Variants in CHL1 observed in about 807,000 individuals in gnomAD.
CHL1 encodes the protein cell adhesion molecule L1 like.
A neutral mutation model predicts 141.9 loss-of-function variants in CHL1; 96 were observed. That is an observed-to-expected ratio of 0.68 (90% CI 0.57 to 0.80). The LOEUF is 0.80. Among genes scored for constraint, CHL1 ranks in the 30% least tolerant of loss-of-function variants. CHL1 has a pLI of 0.00. For synonymous variants in CHL1, 613 were observed against 502.2 expected, an observed-to-expected ratio of 1.22 and a Z score of -2.95; for missense variants, 1,820 against 1,457.2, an observed-to-expected ratio of 1.25 and a Z score of -4.05.
intron 2 of CHL1, among the ~76,000 whole-genome samples, chr3:305,685 T>C (rs1291566461): frequency 6.6e-6 from 1 of 151,070 alleles, no homozygotes; most frequent in South Asian, 2.1e-4. Context: ...CTATACATTA[T>C]ATATAATATA....
chr3:361,585 A>G, intron 12 of CHL1, 114 bp from the exon 13 acceptor site: 2 of 690,100 alleles, frequency 2.9e-6, no homozygotes, highest in Non-Finnish European at 5.2e-6. Context: ...AACAGACACC[A>G]TAATATTCTG....
chr3:285,706 A>G (rs1559200541), intron 2 of CHL1, among the ~76,000 whole-genome samples: 1 of 152,240 alleles, frequency 6.6e-6, no homozygotes, highest in Non-Finnish European at 1.5e-5. Context: ...ACTATGTATA[A>G]TATGCACATT....
intron 1 of CHL1, among the ~76,000 whole-genome samples, chr3:237,395 T>C (rs1407427394): frequency 2.0e-5 from 3 of 152,236 alleles, no homozygotes; most frequent in Non-Finnish European, 4.4e-5. Context: ...CTCTTTTCTT[T>C]ATAAATTACC....
intron 23 of CHL1, among the ~76,000 whole-genome samples, chr3:393,797 CT>C (rs1708441645): frequency 6.6e-6 from 1 of 152,058 alleles, no homozygotes; most frequent in African/African-American, 2.4e-5. Context: ...ATGATTTCAC[CT>C]CCTTCTTTCC....
intron 2 of CHL1, among the ~76,000 whole-genome samples, chr3:294,682 C>T (rs1024504683): frequency 1.8e-5 from 2 of 111,352 alleles, no homozygotes; most frequent in African/African-American, 1.0e-4. Flanking sequence ...AGTAACAGTA[C>T]AGGCATGCCC....
intron 15 of CHL1, among the ~76,000 whole-genome samples, chr3:373,225 G>T (rs1296636639): frequency 6.6e-6 from 1 of 152,234 alleles, no homozygotes; most frequent in East Asian, 1.9e-4. Context: ...CTGCTGGTCT[G>T]CAGAGACCAT....
intron 1 of CHL1, among the ~76,000 whole-genome samples, chr3:236,797 C>T (rs1331241336): frequency 6.9e-6 from 1 of 145,716 alleles, no homozygotes; most frequent in East Asian, 1.9e-4. Context: ...TCCCATGGCC[C>T]CAGCCTCTTA....
chr3:318,112 C>T (rs540313644), intron 2 of CHL1, among the ~76,000 whole-genome samples: 1 of 151,822 alleles, frequency 6.6e-6, no homozygotes, highest in African/African-American at 2.4e-5. Context: ...GTAGTATTTT[C>T]TTTTATGATT....
At chr3:290,599 A>C (rs920894548) in intron 2 of CHL1, among the ~76,000 whole-genome samples, 2 of 152,168 alleles carry the variant, frequency 1.3e-5, no homozygotes, top group East Asian at 3.9e-4. Flanking sequence ...GGATGAAACT[A>C]TGTCTTCATC....
chr3:300,571 T>C (rs2124896988), intron 2 of CHL1, among the ~76,000 whole-genome samples: 1 of 152,300 alleles, frequency 6.6e-6, no homozygotes, highest in South Asian at 2.1e-4. Flanking sequence ...TTTAAACAGC[T>C]TTATTCATGG....
At position 398,358 on chromosome 3, in the gene CHL1, C is replaced by G; in HGVS notation, c.3226C>G (p.Gln1076Glu). Reference protein sequence around the residue: ...KNWGDNDSIFQDVIETRGREY... With the variant: ...KNWGDNDSIFEDVIETRGREY... ...TTGGGGCGATAATGATAGCATTTTT[C>G]AAGATGTAATTGAGACAAGAGGGAG... Residue 1076 changes from glutamine to glutamate, a missense_variant, in exon 25 of 28, where the codon CAA (glutamine) becomes GAA (glutamate). Transcript: ENST00000256509. 15 of 1,603,514 alleles carry G rather than the reference C, an allele frequency of 9.4e-6. No individual in the cohort carries two copies. Among genetic ancestry groups the G allele is most frequent in the Non-Finnish European group, 1.3e-5 (15 of 1,170,714 alleles).
chr3:319,578 C>T, intron 2 of CHL1, 105 bp from the exon 3 acceptor site: 1 of 452,116 alleles, frequency 2.2e-6, no homozygotes, highest in South Asian at 2.7e-5. Flanking sequence ...AAGGAGGAAA[C>T]ATACTGCCAA....
At chr3:363,503 T>C (rs999419399) in intron 14 of CHL1, 120 bp downstream of exon 14, 1 of 936,994 alleles carries the variant, frequency 1.1e-6, no homozygotes, top group Non-Finnish European at 1.6e-6. Context: ...TTGAACCGTT[T>C]TTCAAAATTC....
At chr3:242,358 A>T (rs1438505931) in intron 1 of CHL1, among the ~76,000 whole-genome samples, 4 of 147,380 alleles carry the variant, frequency 2.7e-5, no homozygotes, top group Non-Finnish European at 6.0e-5. Flanking sequence ...GCACTTTGGG[A>T]GGCTGAGGGG....
intron 16 of CHL1, among the ~76,000 whole-genome samples, chr3:379,409 T>C (rs73814732): frequency 0.029 from 4,471 of 152,210 alleles, 152 homozygotes; most frequent in African/African-American, 0.086. Flanking sequence ...TTTCAGGTCT[T>C]TACAAGCAGA....
chr3:360,162 G>T (rs1186981519), intron 11 of CHL1, 122 bp from the exon 12 acceptor site: 3 of 1,030,946 alleles, frequency 2.9e-6, no homozygotes, highest in Non-Finnish European at 4.1e-6. Flanking sequence ...TGGCTTCAAT[G>T]AACTATTAGT....
chr3:264,264 C>G (rs571267659), intron 2 of CHL1, among the ~76,000 whole-genome samples: 52 of 151,608 alleles, frequency 3.4e-4, no homozygotes, highest in African/African-American at 1.2e-3. Context: ...TGTTCATAAC[C>G]CCTGCCTTTA....
chr3:370,318 G>T (rs1705462777), intron 15 of CHL1, among the ~76,000 whole-genome samples: 1 of 152,134 alleles, frequency 6.6e-6, no homozygotes, highest in African/African-American at 2.4e-5. Context: ...TCTGGATTTA[G>T]TATTGGGAGG....
At chr3:334,099 G>A (rs1701675740) in intron 5 of CHL1, among the ~76,000 whole-genome samples, 1 of 152,072 alleles carries the variant, frequency 6.6e-6, no homozygotes, top group Non-Finnish European at 1.5e-5. Context: ...TGGGACTACA[G>A]GCATGTACCA....
Sources: gnomAD v4.1 joint callset for allele counts (sites outside exome capture counted in the v4.1 genomes callset) on GRCh38, gnomAD v4.1.1 for gene constraint, MANE v1.5 for transcripts, NCBI Gene and HGNC (gene_info 2026-07-23, HGNC 2026-07-21) for gene names.